Variants in GPC5 observed in about 807,000 individuals in gnomAD.
GPC5 encodes the protein glypican 5.
Under a neutral mutation model 53.9 loss-of-function variants are expected in GPC5, and 47 were observed. The observed-to-expected ratio is 0.87, with a 90% CI of 0.69 to 1.11. The LOEUF (loss-of-function observed/expected upper bound fraction) is 1.11, where lower values mean the gene tolerates loss of function less well. Among genes scored for constraint, GPC5 ranks in the 50% most tolerant of loss-of-function variants. The pLI, the probability that GPC5 is intolerant of heterozygous loss-of-function variation, is 0.00. For missense variants in GPC5, 748 were observed against 713.1 expected, an observed-to-expected ratio of 1.05 and a Z score of -0.56; for synonymous variants, 286 against 263.3, an observed-to-expected ratio of 1.09 and a Z score of -0.84.
At chr13:92,482,130 T>TA (rs202079933) in intron 7 of GPC5, among the ~76,000 whole-genome samples, 34 of 146,436 alleles carry the variant, frequency 2.3e-4, no homozygotes, top group Admixed American at 3.4e-4. Flanking sequence ...AAACTCTGCC[T>TA]AAAAAAAAAA....
intron 2 of GPC5, among the ~76,000 whole-genome samples, chr13:91,647,344 A>G (rs1035178612): frequency 6.6e-6 from 1 of 152,122 alleles, no homozygotes; most frequent in Non-Finnish European, 1.5e-5. Context: ...TATTAAACCG[A>G]TGTTTCTTGT....
chr13:92,174,577 A>C (rs66792168), intron 7 of GPC5, among the ~76,000 whole-genome samples: 55,870 of 151,424 alleles, frequency 0.37, 10,570 homozygotes, highest in South Asian at 0.61. Context: ...AACAAAAAAA[A>C]CAAAATTTAA....
intron 6 of GPC5, among the ~76,000 whole-genome samples, chr13:91,962,663 A>T (rs1004174236): frequency 1.3e-5 from 2 of 152,146 alleles, no homozygotes; most frequent in African/African-American, 4.8e-5. Flanking sequence ...GACTCTCAGT[A>T]GTTGTAGCTA....
At chr13:92,734,912 C>T (rs1888898694) in intron 7 of GPC5, among the ~76,000 whole-genome samples, 1 of 151,836 alleles carries the variant, frequency 6.6e-6, no homozygotes, top group Non-Finnish European at 1.5e-5. Context: ...TTCAAACATT[C>T]AGAGTCCAAT....
intron 2 of GPC5, among the ~76,000 whole-genome samples, chr13:91,498,746 G>C (rs551884645): frequency 6.6e-6 from 1 of 151,970 alleles, no homozygotes; most frequent in Non-Finnish European, 1.5e-5. Flanking sequence ...TGAGGTGGGC[G>C]GATCATTTGA....
intron 5 of GPC5, among the ~76,000 whole-genome samples, chr13:91,840,522 T>G (rs1264241579): frequency 2.6e-5 from 4 of 152,006 alleles, no homozygotes; most frequent in African/African-American, 7.2e-5. Context: ...TAAAACCTTC[T>G]GAGAATAAAA....
chr13:91,945,566 G>T (rs1270367416), intron 6 of GPC5, among the ~76,000 whole-genome samples: 2 of 152,080 alleles, frequency 1.3e-5, no homozygotes, highest in African/African-American at 4.8e-5. Context: ...AATTCCTTTA[G>T]TGTTTCTCAT....
At chr13:91,553,346 C>A (rs927043155) in intron 2 of GPC5, among the ~76,000 whole-genome samples, 1 of 128,462 alleles carries the variant, frequency 7.8e-6, no homozygotes, top group Non-Finnish European at 1.7e-5. Flanking sequence ...AATAGCATAA[C>A]TAACATGTAA....
At chr13:91,418,316 G>T (rs1878377198) in intron 1 of GPC5, among the ~76,000 whole-genome samples, 1 of 152,138 alleles carries the variant, frequency 6.6e-6, no homozygotes, top group Non-Finnish European at 1.5e-5. Context: ...CCACAAAGAT[G>T]TCAGTGGTGT....
In GPC5 at chr13:92,131,929, C is replaced by T. The variant is rs1371354202; in HGVS notation, c.1402-12901C>T. ...CCACCATTATACACTTAAGTATATA[C>T]CCAACAGATATAACTGGGAATTTTT... On this transcript the variant is annotated intron_variant, in intron 6 of 7. Transcript: ENST00000377067. Among the ~76,000 whole-genome samples, 3 of 66,838 alleles carry T rather than the reference C, an allele frequency of 4.5e-5. No individual in the cohort carries two copies. The East Asian group carries it at 0.048, about 1,078-fold the overall frequency. 43.8% of individuals were successfully genotyped at this position (66,838 alleles called of 152,430 possible).
At chr13:92,168,526 A>G (rs1449286070) in intron 7 of GPC5, among the ~76,000 whole-genome samples, 1 of 152,212 alleles carries the variant, frequency 6.6e-6, no homozygotes, top group Non-Finnish European at 1.5e-5. Context: ...TGGGCAAAGG[A>G]CATGAACAGA....
intron 7 of GPC5, among the ~76,000 whole-genome samples, chr13:92,600,322 T>G (rs948935207): frequency 2.0e-5 from 3 of 152,212 alleles, no homozygotes; most frequent in Non-Finnish European, 4.4e-5. Flanking sequence ...TTGTAGGGTT[T>G]GTTTTTTGAC....
chr13:92,572,998 A>C (rs1457823477), intron 7 of GPC5, among the ~76,000 whole-genome samples: 1 of 152,256 alleles, frequency 6.6e-6, no homozygotes, highest in African/African-American at 2.4e-5. Context: ...AATAAAAAAT[A>C]ATAAATTGGC....
At chr13:92,059,420 C>G (rs2041103147) in intron 6 of GPC5, among the ~76,000 whole-genome samples, 1 of 152,006 alleles carries the variant, frequency 6.6e-6, no homozygotes, top group Non-Finnish European at 1.5e-5. Context: ...CAGTATCAAT[C>G]CTGCTGCCCA....
intron 7 of GPC5, among the ~76,000 whole-genome samples, chr13:92,386,308 T>A (rs942617234): frequency 6.6e-6 from 1 of 152,028 alleles, no homozygotes; most frequent in Admixed American, 6.6e-5. Flanking sequence ...TAGCTCTACA[T>A]AGAGAAACAA....
At chr13:92,168,451 C>T (rs1021487479) in intron 7 of GPC5, among the ~76,000 whole-genome samples, 1 of 151,928 alleles carries the variant, frequency 6.6e-6, no homozygotes, top group East Asian at 1.9e-4. Flanking sequence ...TGACAAAGTT[C>T]GAATGTCCAA....
chr13:91,945,787 C>T (rs905725279), intron 6 of GPC5, among the ~76,000 whole-genome samples: 3 of 152,166 alleles, frequency 2.0e-5, no homozygotes, highest in African/African-American at 7.2e-5. Context: ...ATTTCCATCT[C>T]AAGCCTTACG....
intron 5 of GPC5, among the ~76,000 whole-genome samples, chr13:91,761,401 G>A (rs1034136969): frequency 2.6e-5 from 4 of 152,008 alleles, no homozygotes; most frequent in African/African-American, 9.7e-5. Flanking sequence ...TCCAAAACCA[G>A]ATGAGTGTCC....
chr13:91,840,419 G>A (rs2038771684), intron 5 of GPC5, among the ~76,000 whole-genome samples: 1 of 152,086 alleles, frequency 6.6e-6, no homozygotes, highest in Admixed American at 6.6e-5. Flanking sequence ...AGGTGCAGCT[G>A]TCAATGTCCA....
Sources: allele counts gnomAD v4.1 joint callset (sites outside exome capture counted in the v4.1 genomes callset), GRCh38; gene constraint gnomAD v4.1.1; transcripts MANE v1.5; gene names NCBI Gene and HGNC (gene_info 2026-07-23, HGNC 2026-07-21).